The following SEC13 variants were observed in gnomAD, a reference collection of about 807,000 sequenced individuals.
SEC13 encodes SEC13 homolog, nuclear pore and COPII component.
In SEC13, 25 loss-of-function variants were observed where a neutral mutation model predicts 49.2. The observed-to-expected ratio is 0.51, with a 90% CI of 0.37 to 0.71. The LOEUF is 0.71. SEC13 is among the 30% of genes least tolerant of loss of function. The pLI is 0.00. For missense variants in SEC13, 383 were observed against 417.6 expected (o/e 0.92, Z 0.72); for synonymous variants, 148 against 163.9 (o/e 0.90, Z 0.74).
chr3:10,314,261 G>A (rs909414346), intron 3 of SEC13, among the ~76,000 whole-genome samples: 6 of 152,176 alleles, frequency 3.9e-5, no homozygotes, highest in South Asian at 2.1e-4. Context: ...GATTACAGGC[G>A]TGAGCCACCT....
chr3:10,311,981 A>G lies in SEC13; in HGVS notation c.434T>C (p.Ile145Thr), dbSNP rs1701295600. The G allele has an allele frequency of 6.2e-7, 1 of 1,614,018 alleles. No homozygotes were observed. Among genetic ancestry groups the G allele is most frequent in the African/African-American group, 1.3e-5 (1 of 74,900 alleles). ...TGGACTCACGGTGTGAGCGTTGTTG[A>G]TCTTCTTTACTTCCCATTGGCCTTC... ...TGEGQWEVKK[I>T]NNAHTIGCNA... is the part of the protein sequence containing the mutation. The change falls in exon 5 of 9, where the codon ATC becomes ACC. Residue 145 changes from isoleucine (I) to threonine (T), a missense_variant. Transcript: ENST00000350697.
chr3:10,319,163 A>G (rs372744922), intron 1 of SEC13: 22 of 1,612,034 alleles, frequency 1.4e-5, no homozygotes, highest in East Asian at 8.9e-5. Context: ...CATCTTTTCC[A>G]GCACAAGCCC....
rs779143444 is a variant in SEC13, at chr3:10,319,154, A to T, written c.4-1060T>A. ...CATTTCTTACCATTTTCCCCATTTC[A>T]TCTTTTCCAGCACAAGCCCTGTAGG... On this transcript the variant is annotated intron_variant, in intron 1 of 8. Transcript: ENST00000350697. The T allele has an allele frequency of 2.5e-6, 4 of 1,611,258 alleles. No homozygotes were observed. The East Asian group carries it at 6.7e-5, about 27-fold the overall frequency.
intron 5 of SEC13, among the ~76,000 whole-genome samples, chr3:10,306,843 CTG>C (rs1700907507): frequency 6.6e-6 from 1 of 152,226 alleles, no homozygotes; most frequent in African/African-American, 2.4e-5. Context: ...TCTGCCATGA[CTG>C]TGAGGTTTCC....
Position 10,318,178 on chromosome 3 carries a change from C to G in SEC13, c.4-84G>C, listed in dbSNP as rs1701723576. 5.6e-6 allele frequency: 5 copies of G among 897,830 alleles called. No homozygotes were observed. The East Asian group carries it at 1.2e-4, about 22-fold the overall frequency. 55.6% of individuals were successfully genotyped at this position (897,830 alleles called of 1,614,324 possible). On this transcript the variant is annotated intron_variant, in intron 1 of 8. Transcript: ENST00000350697. ...AAGTTCTTGACTGCATTTGTTTGTT[C>G]ACTCACTCATTCATTCATTCATTCA...
At chr3:10,305,865 CAGT>C in intron 5 of SEC13, 173 bp from the exon 6 acceptor site, 1 of 451,816 alleles carries the variant, frequency 2.2e-6, no homozygotes, top group African/African-American at 2.1e-5. Context: ...AGGATCCCAA[CAGT>C]GTGTGCATTT....
At chr3:10,319,910 G>A (rs1353342074) in intron 1 of SEC13, among the ~76,000 whole-genome samples, 3 of 117,468 alleles carry the variant, frequency 2.6e-5, no homozygotes, top group Non-Finnish European at 3.6e-5. Flanking sequence ...AAGAGGGAGC[G>A]GGGAGAGAGA....
chr3:10,305,554 C>T lies in SEC13; in HGVS notation c.584+5G>A. 6.2e-7 allele frequency: 1 copy of T among 1,613,570 alleles called. No homozygotes were observed. Among genetic ancestry groups the T allele is most frequent in the Non-Finnish European group, 8.5e-7 (1 of 1,179,974 alleles). On this transcript the variant is annotated splice_donor_5th_base_variant and intron_variant, in intron 6 of 8. Transcript: ENST00000350697. ...TCAAAGAGAAGGCCACACATCCCTA[C>T]TTACTTCCACAGCTTGATGAGGTTG...
chr3:10,307,029 TCTC>T (rs1192580139), intron 5 of SEC13, among the ~76,000 whole-genome samples: 2 of 151,714 alleles, frequency 1.3e-5, no homozygotes, highest in African/African-American at 2.4e-5. Context: ...GATGACTGAT[TCTC>T]CTCTTTATTT....
rs1476271708 is a variant in SEC13 at position 10,312,581 on chromosome 3, G to A, written c.314C>T (p.Ser105Leu). 5 of 1,614,106 alleles carry A rather than the reference G, an allele frequency of 3.1e-6. No individual in the cohort carries two copies. The highest frequency in any genetic ancestry group is 2.2e-5 in the East Asian group (1 of 44,880). ...CTCTGCTGCCAAGCTCAGCATACCT[G>A]AGGAGTCGTGTCCCGCATGCTCGTG... Reference protein sequence around the residue: ...KSHEHAGHDSSVNSVCWAPHD... With the variant: ...KSHEHAGHDSLVNSVCWAPHD... Residue 105 changes from serine (S) to leucine (L), a missense_variant and splice_region_variant, in exon 4 of 9, where the codon TCA becomes TTA. Transcript: ENST00000350697.
Position 10,301,638 on chromosome 3 carries a change from G to A in SEC13, c.856-264C>T, listed in dbSNP as rs117550492. ...CAGCAAACTGTGACAGAGCTACAGCGAGAGGATATGGGGTGGCGGGGAGCA... is the reference window on the plus strand; with the variant it reads ...CAGCAAACTGTGACAGAGCTACAGCAAGAGGATATGGGGTGGCGGGGAGCA... On this transcript the variant is annotated intron_variant, in intron 8 of 8. Transcript: ENST00000350697. Among the ~76,000 whole-genome samples, 349 of 152,318 alleles carry A rather than the reference G, an allele frequency of 2.3e-3. 11 individuals carry two copies. In the South Asian group the frequency reaches 0.041, roughly 18 times the overall value.
chr3:10,320,949 C>T (rs753336801), intron 1 of SEC13, 101 bp downstream of exon 1: 28 of 1,564,248 alleles, frequency 1.8e-5, no homozygotes, highest in South Asian at 2.4e-5. Context: ...GGGAGCTGAA[C>T]GGCTCCAGCT....
At chr3:10,302,135 G>A (rs1338011025) in intron 8 of SEC13, among the ~76,000 whole-genome samples, 1 of 152,180 alleles carries the variant, frequency 6.6e-6, no homozygotes, top group African/African-American at 2.4e-5. Flanking sequence ...CTACTGGGGA[G>A]GCTGAGGCAG....
At chr3:10,307,398 G>A (rs1700951587) in intron 5 of SEC13, among the ~76,000 whole-genome samples, 3 of 151,956 alleles carry the variant, frequency 2.0e-5, no homozygotes, top group South Asian at 2.1e-4. Context: ...TAGTAGCGTC[G>A]GGGTGTGTTA....
intron 6 of SEC13, 200 bp downstream of exon 6, chr3:10,305,359 A>T: frequency 9.5e-7 from 1 of 1,050,154 alleles, no homozygotes; most frequent in Non-Finnish European, 1.4e-6. Context: ...CCAAAGAGTC[A>T]GCTCCAACAG....
Position 10,321,096 on chromosome 3 carries a change from C to G in SEC13, c.-44G>C. 3.1e-6 allele frequency: 5 copies of G among 1,612,092 alleles called. No homozygotes were observed. Among genetic ancestry groups the G allele is most frequent in the Non-Finnish European group, 4.2e-6 (5 of 1,179,428 alleles). ...TCCAGGTCTCGGACGTGGCAGCTCC[C>G]GGCGGCGCCTCGGAACAGCTCACTT... is the stretch of plus-strand genomic sequence containing the variant. On this transcript the variant is annotated 5_prime_UTR_variant, in exon 1 of 9. Transcript: ENST00000350697. The surrounding 1 kb of genome is among the most constrained non-coding windows in gnomAD (Gnocchi z 4.1).
chr3:10,319,231 TGCAAA>T, intron 1 of SEC13: 1 of 1,613,656 alleles, frequency 6.2e-7, no homozygotes, highest in Non-Finnish European at 8.5e-7. Context: ...AGAGGATGGC[TGCAAA>T]GCAGTTCAAG....
At chr3:10,311,914 A>G (rs766880804) in intron 5 of SEC13, 51 bp downstream of exon 5, 2 of 1,613,916 alleles carry the variant, frequency 1.2e-6, no homozygotes, top group South Asian at 1.1e-5. Flanking sequence ...TGCAGCAGAC[A>G]CGGGGCAAGG....
At chr3:10,318,726 T>C (rs1383538830) in intron 1 of SEC13, among the ~76,000 whole-genome samples, 1 of 152,212 alleles carries the variant, frequency 6.6e-6, no homozygotes, top group Non-Finnish European at 1.5e-5. Context: ...GTTGAACAGT[T>C]TGTAGGGCTG....
Sources: gnomAD v4.1 joint callset for allele counts (sites outside exome capture counted in the v4.1 genomes callset) on GRCh38, gnomAD v4.1.1 for gene constraint, Gnocchi (gnomAD v3.1) non-coding constraint, MANE v1.5 for transcripts, NCBI Gene and HGNC (gene_info 2026-07-23, HGNC 2026-07-21) for gene names.